KCNJ16: variants seen among roughly 807,000 people sequenced by gnomAD.
KCNJ16 encodes potassium inwardly rectifying channel subfamily J member 16, also known as inward rectifier potassium channel 16.
A neutral mutation model predicts 18.5 loss-of-function variants in KCNJ16; 15 were observed. The ratio of observed to expected loss-of-function variants is 0.81; its 90% confidence interval spans 0.54 to 1.25. KCNJ16 has a LOEUF of 1.25. KCNJ16 is among the 50% of genes most tolerant of loss of function. KCNJ16 has a pLI of 0.00. For synonymous variants in KCNJ16, 174 were observed against 186.5 expected (o/e 0.93, Z 0.55); for missense variants, 523 against 525.7 (o/e 0.99, Z 0.05).
In KCNJ16 at chr17:70,103,716, A is replaced by G. The variant is rs912583558; in HGVS notation, c.-191+2950A>G. On this transcript the variant is annotated intron_variant, in intron 2 of 3. Coordinates refer to ENST00000392671, the MANE Select transcript of KCNJ16 (RefSeq NM_170741.4). ...GTACACTGATAACTTCCAATCTTATATTTCCATTCTGAAATTCTCCCCTGA... is the reference window on the plus strand; with the variant it reads ...GTACACTGATAACTTCCAATCTTATGTTTCCATTCTGAAATTCTCCCCTGA... Among the ~76,000 whole-genome samples the G allele has an allele frequency of 3.9e-5, 6 of 151,998 alleles. No individual in the cohort carries two copies. The South Asian group carries it at 6.2e-4, about 16-fold the overall frequency.
chr17:70,109,211 T>C (rs970333881), intron 2 of KCNJ16, among the ~76,000 whole-genome samples: 1 of 152,134 alleles, frequency 6.6e-6, no homozygotes, highest in Non-Finnish European at 1.5e-5. Flanking sequence ...TTCCCCAACA[T>C]GTATTATCCT....
chr17:70,108,114 A>C (rs1287291445), intron 2 of KCNJ16, among the ~76,000 whole-genome samples: 1 of 152,190 alleles, frequency 6.6e-6, no homozygotes, highest in Admixed American at 6.5e-5. Context: ...TACTGCATGA[A>C]TACAGAGTAT....
intron 1 of KCNJ16, among the ~76,000 whole-genome samples, chr17:70,080,668 G>C (rs952806910): frequency 2.0e-5 from 3 of 152,078 alleles, no homozygotes; most frequent in Non-Finnish European, 2.9e-5. Flanking sequence ...GTTACTACTT[G>C]ATTAGTTAGT....
At chr17:70,084,276 A>C (rs1033586718) in intron 1 of KCNJ16, among the ~76,000 whole-genome samples, 1 of 152,220 alleles carries the variant, frequency 6.6e-6, no homozygotes, top group Non-Finnish European at 1.5e-5. Context: ...AAATTGGTAC[A>C]ATCCAAATAT....
At chr17:70,117,720 T>C (rs1359835587) in intron 2 of KCNJ16, among the ~76,000 whole-genome samples, 1 of 152,218 alleles carries the variant, frequency 6.6e-6, no homozygotes, top group East Asian at 1.9e-4. Flanking sequence ...ATTCATCTAT[T>C]TCTTCAAAAT....
chr17:70,121,436 T>A (rs754757749), intron 2 of KCNJ16, among the ~76,000 whole-genome samples: 23 of 152,142 alleles, frequency 1.5e-4, no homozygotes, highest in Non-Finnish European at 2.8e-4. Flanking sequence ...CTGACCCCAG[T>A]GTTTGTTAGT....
In KCNJ16 at chr17:70,095,569, G is replaced by A. The variant is rs2072319810; in HGVS notation, c.-299-5089G>A. On this transcript the variant is annotated intron_variant, in intron 1 of 3. Coordinates refer to ENST00000392671, the MANE Select transcript of KCNJ16 (RefSeq NM_170741.4). ...ATAAAGATTTTCCACTCCTCTGCCTGCCTGTGAGTCTCTGGCAAACAAAAG... is the reference window on the plus strand; with the variant it reads ...ATAAAGATTTTCCACTCCTCTGCCTACCTGTGAGTCTCTGGCAAACAAAAG... Among the ~76,000 whole-genome samples, 4 of 152,284 alleles carry A rather than the reference G, an allele frequency of 2.6e-5. No individual in the cohort carries two copies. The South Asian group carries it at 6.2e-4, about 24-fold the overall frequency.
chr17:70,114,280 T>TCACA (rs2073311837), intron 2 of KCNJ16, among the ~76,000 whole-genome samples: 1 of 152,136 alleles, frequency 6.6e-6, no homozygotes, highest in Non-Finnish European at 1.5e-5. Flanking sequence ...AGTTCAGTGA[T>TCACA]TCCCAGCAGA....
intron 2 of KCNJ16, chr17:70,108,228 A>G (rs1378164761): frequency 6.6e-6 from 1 of 152,188 alleles, no homozygotes; most frequent in Non-Finnish European, 1.5e-5. Context: ...GGTGTTCAAT[A>G]AAAGCTTTGA....
chr17:70,123,708 C>CAA (rs35463126), intron 2 of KCNJ16, among the ~76,000 whole-genome samples: 63 of 148,824 alleles, frequency 4.2e-4, no homozygotes, highest in African/African-American at 9.8e-4. Context: ...TAAGATGTGG[C>CAA]AAAAAAAAAA....
At chr17:70,088,015 C>CT (rs1010024555) in intron 1 of KCNJ16, among the ~76,000 whole-genome samples, 2 of 35,734 alleles carry the variant, frequency 5.6e-5, no homozygotes, top group African/African-American at 1.3e-4. Context: ...GAGCAAGACT[C>CT]TGTCTCAAAA....
In KCNJ16 at chr17:70,091,379, T is replaced by C. The variant is rs532848318; in HGVS notation, c.-299-9279T>C. Among the ~76,000 whole-genome samples the C allele has an allele frequency of 2.6e-5, 4 of 152,324 alleles. No individual in the cohort carries two copies. The East Asian group carries it at 7.7e-4, about 29-fold the overall frequency. Reference sequence around the variant, plus strand: ...TCCTGTGGACTACAATCACGTCTTATACATCATAAATTTGCTAACAACCAG... The same window carrying C: ...TCCTGTGGACTACAATCACGTCTTACACATCATAAATTTGCTAACAACCAG... On this transcript the variant is annotated intron_variant, in intron 1 of 3. Coordinates refer to ENST00000392671, the MANE Select transcript of KCNJ16 (RefSeq NM_170741.4).
intron 1 of KCNJ16, among the ~76,000 whole-genome samples, chr17:70,081,336 T>C (rs1941960136): frequency 6.6e-6 from 1 of 152,184 alleles, no homozygotes; most frequent in African/African-American, 2.4e-5. Context: ...GGTGGTTTCA[T>C]TTCCTCATGA....
intron 2 of KCNJ16, among the ~76,000 whole-genome samples, chr17:70,104,571 T>G (rs2072823417): frequency 1.3e-5 from 2 of 152,150 alleles, no homozygotes; most frequent in Admixed American, 1.3e-4. Context: ...AAGCACACAC[T>G]TGGAAGAGGT....
Position 70,102,243 on chromosome 17 carries a change from T to G in KCNJ16, c.-191+1477T>G, listed in dbSNP as rs1340060714. On this transcript the variant is annotated intron_variant, in intron 2 of 3. Transcript: ENST00000392671. Reference sequence around the variant, plus strand: ...TTTTTTTTTTTTTTTTTTTTTTTTTTTTGAGATGGAGTCTCTCTCTGTTGC... The same window carrying G: ...TTTTTTTTTTTTTTTTTTTTTTTTTGTTGAGATGGAGTCTCTCTCTGTTGC... 2.8e-5 allele frequency: 4 copies of G among 140,392 alleles called. No individual in the cohort carries two copies. The East Asian group carries it at 8.7e-4, about 30-fold the overall frequency. 8.7% of individuals were successfully genotyped at this position (140,392 alleles called of 1,614,324 possible).
intron 1 of KCNJ16, among the ~76,000 whole-genome samples, chr17:70,095,067 T>G (rs1329411497): frequency 1.3e-5 from 2 of 152,240 alleles, no homozygotes; most frequent in African/African-American, 2.4e-5. Flanking sequence ...TTTTCTTGAT[T>G]CAACTTATGT....
chr17:70,082,048 G>A (rs950074094), intron 1 of KCNJ16, among the ~76,000 whole-genome samples: 4 of 152,082 alleles, frequency 2.6e-5, no homozygotes, highest in Non-Finnish European at 5.9e-5. Context: ...GATGTGCAGT[G>A]ACTCGTTCTG....
At chr17:70,087,930 C>T (rs1435434585) in intron 1 of KCNJ16, among the ~76,000 whole-genome samples, 1 of 140,678 alleles carries the variant, frequency 7.1e-6, no homozygotes, top group East Asian at 2.2e-4. Context: ...ACAGGTGAAT[C>T]GCTTGAACCT....
intron 1 of KCNJ16, among the ~76,000 whole-genome samples, chr17:70,094,789 T>C (rs2072277971): frequency 6.6e-6 from 1 of 152,182 alleles, no homozygotes; most frequent in Non-Finnish European, 1.5e-5. Flanking sequence ...GCAAATCATG[T>C]TTCCAAGAAC....
Sources: allele counts gnomAD v4.1 joint callset (sites outside exome capture counted in the v4.1 genomes callset), GRCh38; gene constraint gnomAD v4.1.1; transcripts MANE v1.5; gene names NCBI Gene and HGNC (gene_info 2026-07-23, HGNC 2026-07-21).